The following SEC24B variants were observed in gnomAD, a reference collection of about 807,000 sequenced individuals.
The protein encoded by SEC24B is protein transport protein Sec24B.
A neutral mutation model predicts 142.8 loss-of-function variants in SEC24B; 45 were observed. The ratio of observed to expected loss-of-function variants is 0.32; its 90% CI spans 0.25 to 0.40. SEC24B has a LOEUF of 0.40. SEC24B is among the 10% of genes least tolerant of loss of function. SEC24B has a pLI of 1.00. For synonymous variants in SEC24B, 574 were observed against 568.2 expected (o/e 1.01, Z -0.15); for missense variants, 1,409 against 1,526.8 (o/e 0.92, Z 1.29).
intron 2 of SEC24B, 52 bp downstream of exon 2, chr4:109,463,696 C>G: frequency 6.4e-7 from 1 of 1,560,296 alleles, no homozygotes. Flanking sequence ...AGTGCATTCC[C>G]AATTAAGTTA....
intron 4 of SEC24B, among the ~76,000 whole-genome samples, chr4:109,485,641 G>A (rs1454918458): frequency 6.6e-6 from 1 of 152,102 alleles, no homozygotes; most frequent in Non-Finnish European, 1.5e-5. Context: ...ATTCTCAGTG[G>A]TGGGATGGGA....
chr4:109,443,583 T>C (rs1729131654), intron 1 of SEC24B, among the ~76,000 whole-genome samples: 2 of 152,102 alleles, frequency 1.3e-5, no homozygotes, highest in Admixed American at 6.5e-5. Context: ...TTTATGTAGC[T>C]CCTCTTTACA....
At chr4:109,453,871 G>C (rs1054424876) in intron 1 of SEC24B, among the ~76,000 whole-genome samples, 1 of 152,026 alleles carries the variant, frequency 6.6e-6, no homozygotes. Context: ...CTGACTTCCC[G>C]CAACAGACGG....
At chr4:109,481,110 C>A (rs75194831) in intron 3 of SEC24B, among the ~76,000 whole-genome samples, 1 of 152,034 alleles carries the variant, frequency 6.6e-6, no homozygotes, top group South Asian at 2.1e-4. Context: ...GTCCCCCAGC[C>A]CCCCGTCCCC....
chr4:109,440,661 A>G (rs1314160562), intron 1 of SEC24B, among the ~76,000 whole-genome samples: 1 of 152,244 alleles, frequency 6.6e-6, no homozygotes, highest in Non-Finnish European at 1.5e-5. Flanking sequence ...TTTTTAAAGT[A>G]CTTAGCCCTA....
At chr4:109,532,065 C>T (rs564372306) in intron 20 of SEC24B, among the ~76,000 whole-genome samples, 2 of 151,894 alleles carry the variant, frequency 1.3e-5, no homozygotes, top group Non-Finnish European at 2.9e-5. Flanking sequence ...CCATATTGGC[C>T]AGGCTGGCCT....
At chr4:109,437,973 C>T (rs183315629) in intron 1 of SEC24B, among the ~76,000 whole-genome samples, 4 of 152,152 alleles carry the variant, frequency 2.6e-5, no homozygotes, top group Admixed American at 2.6e-4. Context: ...TATATAGATC[C>T]CTGATAGAGA....
At chr4:109,521,701 A>G in intron 14 of SEC24B, 75 bp downstream of exon 14, 2 of 1,131,092 alleles carry the variant, frequency 1.8e-6, no homozygotes, top group Non-Finnish European at 2.5e-6. Context: ...TAATAATAAA[A>G]TACTGGCAAG....
intron 1 of SEC24B, among the ~76,000 whole-genome samples, chr4:109,447,864 A>G (rs1459242178): frequency 3.9e-5 from 6 of 152,230 alleles, no homozygotes; most frequent in African/African-American, 4.8e-5. Flanking sequence ...CAAGGCATCT[A>G]CAGGGCTGCA....
chr4:109,507,497 C>T (rs1736823989), intron 7 of SEC24B, among the ~76,000 whole-genome samples: 1 of 152,136 alleles, frequency 6.6e-6, no homozygotes, highest in Non-Finnish European at 1.5e-5. Flanking sequence ...TGTTCTCGAA[C>T]TCCTGACTTC....
At chr4:109,488,082 C>T (rs531616071) in intron 4 of SEC24B, among the ~76,000 whole-genome samples, 1 of 151,520 alleles carries the variant, frequency 6.6e-6, no homozygotes, top group Non-Finnish European at 1.5e-5. Flanking sequence ...TCTTAGAATG[C>T]CCATGATATT....
At chr4:109,523,496 A>G (rs564890276) in intron 14 of SEC24B, among the ~76,000 whole-genome samples, 7 of 152,204 alleles carry the variant, frequency 4.6e-5, no homozygotes, top group African/African-American at 1.7e-4. Context: ...CAATAATAAT[A>G]ATAACAATGA....
At chr4:109,446,652 A>T (rs17040446) in intron 1 of SEC24B, among the ~76,000 whole-genome samples, 7,141 of 152,334 alleles carry the variant, frequency 0.047, 188 homozygotes, top group African/African-American at 0.07. Flanking sequence ...CACTTTTCTT[A>T]TACGTGAACA....
rs562040097 is a variant in SEC24B at position 109,473,316 on chromosome 4, T to C, written c.1060+130T>C. 4 of 545,952 alleles carry C rather than the reference T, an allele frequency of 7.3e-6. No homozygotes were observed. The East Asian group carries it at 1.4e-4, about 19-fold the overall frequency. The allele number at this position is 545,952 out of a possible 1,614,324, so 33.8% of individuals were successfully genotyped here. On this transcript the variant is annotated intron_variant, in intron 3 of 23. Coordinates refer to ENST00000265175, the MANE Select transcript of SEC24B (RefSeq NM_006323.5). ...GAATATTAACTTACAGTGTCTCATATATGTTTTACATAATTACATACCATT... is the reference window on the plus strand; with the variant it reads ...GAATATTAACTTACAGTGTCTCATACATGTTTTACATAATTACATACCATT...
chr4:109,485,729 T>TA (rs1415832320), intron 4 of SEC24B, among the ~76,000 whole-genome samples: 1 of 152,200 alleles, frequency 6.6e-6, no homozygotes, highest in Non-Finnish European at 1.5e-5. Flanking sequence ...TGTACAGAGG[T>TA]AAAAAGAAAG....
chr4:109,492,430 A>C (rs191834119), intron 5 of SEC24B, among the ~76,000 whole-genome samples: 1 of 152,324 alleles, frequency 6.6e-6, no homozygotes, highest in East Asian at 1.9e-4. Flanking sequence ...ATAGTATCCC[A>C]TGAGCTCTAG....
intron 1 of SEC24B, among the ~76,000 whole-genome samples, chr4:109,448,371 C>T (rs562680782): frequency 3.3e-5 from 5 of 152,040 alleles, no homozygotes; most frequent in Admixed American, 2.6e-4. Flanking sequence ...TTTAATAGGT[C>T]ATTTCCAGTA....
chr4:109,457,684 A>T (rs1730822052), intron 1 of SEC24B, among the ~76,000 whole-genome samples: 1 of 151,940 alleles, frequency 6.6e-6, no homozygotes, highest in Non-Finnish European at 1.5e-5. Context: ...CTCATAGGGG[A>T]GTAATATGTT....
At position 109,520,443 on chromosome 4, in the gene SEC24B, G is replaced by A. The variant is rs1486339842; in HGVS notation, c.2204G>A (p.Gly735Glu). 1 of 1,610,474 alleles carries A rather than the reference G, an allele frequency of 6.2e-7. No individual in the cohort carries two copies. Among genetic ancestry groups the A allele is most frequent in the African/African-American group, 1.3e-5 (1 of 74,820 alleles). ...STIHFYNLQE[G>E]LSQPQMLIVS... The stretch of plus-strand genomic sequence containing the variant: ...ATTCATTTCTACAATTTACAAGAAG[G>A]ATTATCACAGCCTCAAATGTTGATT... The change falls in exon 12 of 24, where the codon GGA (glycine) becomes GAA (glutamate). Residue 735 changes from glycine (G) to glutamate (E), a missense_variant. Gly to Glu is a moderately conservative substitution (Grantham distance 98). Transcript: ENST00000265175.
Sources: gnomAD v4.1 joint callset for allele counts (sites outside exome capture counted in the v4.1 genomes callset) on GRCh38, gnomAD v4.1.1 for gene constraint, MANE v1.5 for transcripts, NCBI Gene and HGNC (gene_info 2026-07-23, HGNC 2026-07-21) for gene names.